KCNB2: variants seen among roughly 807,000 people sequenced by gnomAD.
The protein encoded by KCNB2 is potassium voltage-gated channel subfamily B member 2.
In KCNB2, 15 loss-of-function variants were observed where a neutral mutation model predicts 61.5. That is an observed-to-expected ratio of 0.24 (90% CI 0.16 to 0.38). The LOEUF (loss-of-function observed/expected upper bound fraction) is 0.38, where lower values mean the gene tolerates loss of function less well. Ranked by LOEUF, KCNB2 falls within the 10% of genes least tolerant of loss-of-function variation. The pLI, the probability that KCNB2 is intolerant of heterozygous loss-of-function variation, is 1.00. For synonymous variants in KCNB2, 457 were observed against 446.0 expected (o/e 1.02, Z -0.31); for missense variants, 828 against 1,125.2 (o/e 0.74, Z 3.78).
chr8:72,599,397 T>C (rs911211231), intron 2 of KCNB2, among the ~76,000 whole-genome samples: 4 of 152,208 alleles, frequency 2.6e-5, no homozygotes, highest in Admixed American at 2.6e-4. Context: ...ACTAGCCATA[T>C]ATAGAAAGCT....
chr8:72,874,098 A>G (rs1266439532), intron 2 of KCNB2, among the ~76,000 whole-genome samples: 1 of 152,234 alleles, frequency 6.6e-6, no homozygotes, highest in Non-Finnish European at 1.5e-5. Context: ...CAGATCTTCA[A>G]TTTAAAATGA....
chr8:72,867,940 G>A (rs866465726), intron 2 of KCNB2, among the ~76,000 whole-genome samples: 10 of 152,136 alleles, frequency 6.6e-5, no homozygotes, highest in Middle Eastern at 3.4e-3. Flanking sequence ...AGGATGACAT[G>A]AGGATTCACA....
intron 2 of KCNB2, among the ~76,000 whole-genome samples, chr8:72,772,766 C>T (rs879469797): frequency 6.6e-6 from 1 of 152,152 alleles, no homozygotes; most frequent in Non-Finnish European, 1.5e-5. Context: ...ACCGGTCTGT[C>T]CATTTCACAT....
intron 2 of KCNB2, among the ~76,000 whole-genome samples, chr8:72,840,653 G>A (rs1048054862): frequency 6.6e-6 from 1 of 152,174 alleles, no homozygotes; most frequent in Non-Finnish European, 1.5e-5. Context: ...TTTCTCTAAT[G>A]ACCAGTGATG....
In KCNB2 at chr8:72,724,861, CT is replaced by C. The variant is rs367816563; in HGVS notation, c.579+156550del. ...ACAATAAGTAAATATATTAATTTCC[CT>C]TCCCATTACTAGAAGTCACAGGTTG... On this transcript the variant is annotated intron_variant, in intron 2 of 2. Transcript: ENST00000523207. 3.5e-4 allele frequency among the ~76,000 whole-genome samples: 53 copies of C among 152,152 alleles called. No homozygotes were observed. The East Asian group carries it at 9.3e-3, about 27-fold the overall frequency.
At chr8:72,681,169 G>A (rs1806743584) in intron 2 of KCNB2, among the ~76,000 whole-genome samples, 1 of 152,036 alleles carries the variant, frequency 6.6e-6, no homozygotes, top group African/African-American at 2.4e-5. Context: ...TTGGCTTGGG[G>A]GACAAGGCTG....
chr8:72,786,493 G>C (rs540732807), intron 2 of KCNB2, among the ~76,000 whole-genome samples: 1 of 152,268 alleles, frequency 6.6e-6, no homozygotes, highest in East Asian at 1.9e-4. Flanking sequence ...TTGTAAGACT[G>C]CAATATGAGA....
At chr8:72,633,078 T>C (rs1805905202) in intron 2 of KCNB2, among the ~76,000 whole-genome samples, 1 of 152,196 alleles carries the variant, frequency 6.6e-6, no homozygotes, top group Non-Finnish European at 1.5e-5. Flanking sequence ...GAAGTCAAGA[T>C]GGCAGCAGGG....
At chr8:72,765,487 C>A (rs537939078) in intron 2 of KCNB2, among the ~76,000 whole-genome samples, 1 of 152,270 alleles carries the variant, frequency 6.6e-6, no homozygotes, top group African/African-American at 2.4e-5. Context: ...ATATCCAAAT[C>A]TTTATCTCTG....
chr8:72,804,218 AAAAT>A (rs1420694112), intron 2 of KCNB2, among the ~76,000 whole-genome samples: 1 of 152,162 alleles, frequency 6.6e-6, no homozygotes, highest in Non-Finnish European at 1.5e-5. Context: ...AAAAAGAAAC[AAAAT>A]AAGGAAGCTT....
intron 2 of KCNB2, among the ~76,000 whole-genome samples, chr8:72,896,719 C>T (rs1461287787): frequency 6.6e-6 from 1 of 152,070 alleles, no homozygotes. Context: ...CAGAAATTCC[C>T]TTTCTCACTG....
chr8:72,576,766 G>A (rs141473690), intron 2 of KCNB2, among the ~76,000 whole-genome samples: 2 of 152,184 alleles, frequency 1.3e-5, no homozygotes, highest in Non-Finnish European at 2.9e-5. Context: ...TCACTTTAGA[G>A]TTTATAAGCA....
intron 2 of KCNB2, among the ~76,000 whole-genome samples, chr8:72,590,165 A>G (rs1807071849): frequency 1.3e-5 from 2 of 152,212 alleles, no homozygotes; most frequent in South Asian, 2.1e-4. Context: ...TCAAAATTTT[A>G]AAGCAATTTT....
At chr8:72,821,659 A>AC (rs796436534) in intron 2 of KCNB2, among the ~76,000 whole-genome samples, 5,050 of 114,824 alleles carry the variant, frequency 0.044, 476 homozygotes, top group Non-Finnish European at 0.058. Flanking sequence ...AAAAAAAAAA[A>AC]ACACACACAC....
intron 2 of KCNB2, among the ~76,000 whole-genome samples, chr8:72,887,942 G>T (rs978965484): frequency 6.6e-6 from 1 of 152,200 alleles, no homozygotes; most frequent in Non-Finnish European, 1.5e-5. Flanking sequence ...GGTGTTACTT[G>T]GAAGATACAC....
At chr8:72,908,475 G>C (rs1806222113) in intron 2 of KCNB2, among the ~76,000 whole-genome samples, 1 of 152,152 alleles carries the variant, frequency 6.6e-6, no homozygotes, top group South Asian at 2.1e-4. Context: ...TTAATTGGTG[G>C]ACTGATTAGT....
intron 2 of KCNB2, among the ~76,000 whole-genome samples, chr8:72,814,369 G>A (rs1809355628): frequency 6.6e-6 from 1 of 152,076 alleles, no homozygotes. Flanking sequence ...AAGTGAAATT[G>A]ACACGTCACT....
At chr8:72,658,151 T>C (rs1448345642) in intron 2 of KCNB2, among the ~76,000 whole-genome samples, 1 of 152,138 alleles carries the variant, frequency 6.6e-6, no homozygotes, top group Non-Finnish European at 1.5e-5. Flanking sequence ...CCAAGACAGG[T>C]TGAAAGCTGG....
At chr8:72,648,309 G>T (rs1200006505) in intron 2 of KCNB2, among the ~76,000 whole-genome samples, 4 of 152,138 alleles carry the variant, frequency 2.6e-5, no homozygotes, top group Non-Finnish European at 5.9e-5. Context: ...TTTGACTTTT[G>T]ATAAATGCTT....
Sources: allele counts gnomAD v4.1 joint callset (sites outside exome capture counted in the v4.1 genomes callset), GRCh38; gene constraint gnomAD v4.1.1; transcripts MANE v1.5; gene names NCBI Gene and HGNC (gene_info 2026-07-23, HGNC 2026-07-21).